The following TMEM259 variants were observed in gnomAD, a reference collection of about 807,000 sequenced individuals.
The protein encoded by TMEM259 is membralin.
TMEM259 carries 26 observed loss-of-function variants against 46.7 expected under a neutral mutation model. The ratio of observed to expected loss-of-function variants is 0.56; its 90% confidence interval spans 0.41 to 0.77. TMEM259 has a LOEUF of 0.77. Among genes scored for constraint, TMEM259 ranks in the 30% least tolerant of loss-of-function variants. TMEM259 has a pLI of 0.00. For missense variants in TMEM259, 930 were observed against 900.5 expected (o/e 1.03, Z -0.42); for synonymous variants, 494 against 395.1 (o/e 1.25, Z -2.97).
intron 2 of TMEM259, chr19:1,013,658 G>C: frequency 3.2e-6 from 1 of 312,350 alleles, no homozygotes; most frequent in Non-Finnish European, 6.1e-6. Flanking sequence ...GGTTGGCTCT[G>C]TGGGAACAGG....
In TMEM259 at chr19:1,010,498, G is replaced by A. The variant is rs760806208; in HGVS notation, c.1715C>T (p.Pro572Leu). The A allele has an allele frequency of 2.6e-6, 4 of 1,546,896 alleles. No homozygotes were observed. Among genetic ancestry groups the A allele is most frequent in the Admixed American group, 2.0e-5 (1 of 50,786 alleles). Residue 572 changes from proline (P) to leucine (L), a missense_variant, in exon 11 of 11, where the codon CCT (proline) becomes CTT (leucine). Pro to Leu is a moderately conservative substitution (Grantham distance 98, BLOSUM62 -3). Coordinates refer to ENST00000356663, the MANE Select transcript of TMEM259 (RefSeq NM_001033026.2). Reference sequence around the variant, plus strand: ...GGGGGCGTGGGGGAGGCCCCCAGCAGGGCCCAGCGGGCTGGCTGGACGCCG... The same window carrying A: ...GGGGGCGTGGGGGAGGCCCCCAGCAAGGCCCAGCGGGCTGGCTGGACGCCG... ...LERRPASPLGPAGGLPHAPQD... is the reference protein window; with the variant it reads ...LERRPASPLGLAGGLPHAPQD...
rs1058618 is a variant in TMEM259 at position 1,009,713 on chromosome 19, G to A, written c.*637C>T. 17 of 936,174 alleles carry A rather than the reference G, an allele frequency of 1.8e-5. No individual in the cohort carries two copies. Among genetic ancestry groups the A allele is most frequent in the Non-Finnish European group, 2.0e-5 (14 of 688,622 alleles). The allele number at this position is 936,174 out of a possible 1,614,324, so 58.0% of individuals were successfully genotyped here. A position where few individuals can be genotyped will look rare whatever the true frequency, so the allele number is the denominator to read the frequency against. On this transcript the variant is annotated 3_prime_UTR_variant, in exon 11 of 11. Coordinates refer to ENST00000356663, the MANE Select transcript of TMEM259 (RefSeq NM_001033026.2). The stretch of plus-strand genomic sequence containing the variant: ...CAATTTTGTACACTGCAATTAAATA[G>A]AATGGAATGAGCGCTCCTCCGCATT...
In TMEM259 at chr19:1,021,044, T is replaced by C. The variant is rs2144594801; in HGVS notation, c.-48A>G. The C allele has an allele frequency of 7.6e-7, 1 of 1,309,262 alleles. No homozygotes were observed. Among genetic ancestry groups the C allele is most frequent in the South Asian group, 1.8e-5 (1 of 54,762 alleles). The allele number at this position is 1,309,262 out of a possible 1,614,324, so 81.1% of individuals were successfully genotyped here. On this transcript the variant is annotated 5_prime_UTR_variant, in exon 1 of 11. Transcript: ENST00000356663. Reference sequence around the variant, plus strand: ...CGACCCGCAAGTGTCCGAGGGCGCCTCCCGGCCGCCATCGGCCGCCCTCGC... The same window carrying C: ...CGACCCGCAAGTGTCCGAGGGCGCCCCCCGGCCGCCATCGGCCGCCCTCGC...
Position 1,010,655 on chromosome 19 carries a change from G to T in TMEM259, c.1558C>A (p.Pro520Thr). 6.5e-7 allele frequency: 1 copy of T among 1,538,276 alleles called. No individual in the cohort carries two copies. Among genetic ancestry groups the T allele is most frequent in the Non-Finnish European group, 8.7e-7 (1 of 1,146,916 alleles). Residue 520 changes from proline (P) to threonine (T), a missense_variant, in exon 11 of 11, where the codon CCC becomes ACC. Physicochemically the swap from Pro to Thr is conservative, Grantham distance 38. Transcript: ENST00000356663. ...SGSPGPVAAA[P>T]SSLVAAAASV... ...GCTGCCGCGGCCACCAGGGAGCTGG[G>T]CGCCGCTGCCACAGGCCCGGGACTC... is the stretch of plus-strand genomic sequence containing the variant.
In TMEM259 at chr19:1,010,862, G is replaced by A. The variant is rs1168693574; in HGVS notation, c.1351C>T (p.Leu451=). The A allele has an allele frequency of 1.3e-6, 2 of 1,594,686 alleles. No individual in the cohort carries two copies. Among genetic ancestry groups the A allele is most frequent in the East Asian group, 2.2e-5 (1 of 44,746 alleles). ...SMIYFFHHYE[L]PAILQQVRIQ... ...CGGACCTGCTGCAGGATGGCAGGCA[G>A]CTCGTAGTGGTGGAAGAAGTAGATC... Residue 451 remains leucine (L), a synonymous_variant, in exon 11 of 11, where the codon CTG becomes TTG. Coordinates refer to ENST00000356663, the MANE Select transcript of TMEM259 (RefSeq NM_001033026.2).
At chr19:1,014,102 A>G in intron 2 of TMEM259, 90 bp downstream of exon 2, 1 of 1,477,724 alleles carries the variant, frequency 6.8e-7, no homozygotes, top group Non-Finnish European at 9.2e-7. Context: ...AAGAACCCCA[A>G]CATCCTGTCG....
intron 1 of TMEM259, among the ~76,000 whole-genome samples, chr19:1,018,948 A>C (rs910502265): frequency 1.3e-5 from 2 of 149,950 alleles, no homozygotes; most frequent in African/African-American, 2.5e-5. Flanking sequence ...AGATCAAACC[A>C]CTGCACTCCA....
At chr19:1,015,070 C>T (rs1364346999) in intron 1 of TMEM259, among the ~76,000 whole-genome samples, 2 of 152,272 alleles carry the variant, frequency 1.3e-5, no homozygotes, top group East Asian at 3.8e-4. Context: ...CAGCACTCCC[C>T]TGATCTCACC....
At chr19:1,013,388 T>G in intron 2 of TMEM259, 48 bp from the exon 3 acceptor site, 1 of 1,582,892 alleles carries the variant, frequency 6.3e-7, no homozygotes, top group Non-Finnish European at 8.7e-7. Context: ...GCCCGGGCTG[T>G]GAGGGCCCAG....
chr19:1,010,974 G>A (rs8100391), intron 10 of TMEM259, 79 bp from the exon 11 acceptor site: 372,961 of 1,546,466 alleles, frequency 0.24, 46,480 homozygotes, highest in East Asian at 0.34. Context: ...CAGCCCACCC[G>A]GGACCATCCA....
At chr19:1,012,612 A>ACGTCCCCCACC in intron 3 of TMEM259, 39 bp from the exon 4 acceptor site, 1 of 1,541,936 alleles carries the variant, frequency 6.5e-7, no homozygotes, top group Non-Finnish European at 8.8e-7. Flanking sequence ...GCGCCCCCAC[A>ACGTCCCCCACC]CACGTCCCCC....
chr19:1,012,387 C>A (rs775087860), intron 4 of TMEM259, 76 bp downstream of exon 4: 2 of 1,522,074 alleles, frequency 1.3e-6, no homozygotes, highest in Non-Finnish European at 1.8e-6. Context: ...CCCCGTCCCG[C>A]ACCAGCAGGA....
chr19:1,019,025 C>T (rs2039200354), intron 1 of TMEM259, among the ~76,000 whole-genome samples: 2 of 151,544 alleles, frequency 1.3e-5, no homozygotes, highest in South Asian at 4.2e-4. Context: ...CCAGAGATCT[C>T]ACAGTCCAAA....
chr19:1,013,804 G>A (rs1238024246), intron 2 of TMEM259, among the ~76,000 whole-genome samples: 1 of 152,220 alleles, frequency 6.6e-6, no homozygotes, highest in Non-Finnish European at 1.5e-5. Context: ...CAGGCAGTGG[G>A]GCCACCTCAG....
Position 1,014,202 on chromosome 19 carries a change from C to T in TMEM259, c.497G>A (p.Ser166Asn), listed in dbSNP as rs747421599. Reference sequence around the variant, plus strand: ...CCAGGCCTGGCTCACCTTGATGGAGCTGTTCCCAAACATCTCCATGGTCAG... The same window carrying T: ...CCAGGCCTGGCTCACCTTGATGGAGTTGTTCCCAAACATCTCCATGGTCAG... ...EELTMEMFGN[S>N]SIKFELDIEP... Residue 166 changes from serine (S) to asparagine (N), a missense_variant, in exon 2 of 11, where the codon AGC becomes AAC. Ser to Asn is a conservative substitution (Grantham distance 46, BLOSUM62 1). Coordinates refer to ENST00000356663, the MANE Select transcript of TMEM259 (RefSeq NM_001033026.2). The T allele has an allele frequency of 2.1e-5, 34 of 1,605,518 alleles. No homozygotes were observed. The highest frequency in any genetic ancestry group is 2.9e-5 in the Non-Finnish European group (34 of 1,173,294).
intron 3 of TMEM259, 51 bp downstream of exon 3, chr19:1,013,190 C>T (rs1334861805): frequency 6.5e-7 from 1 of 1,540,824 alleles, no homozygotes; most frequent in Non-Finnish European, 9.0e-7. Context: ...CCCCAGCACC[C>T]CATGACTGAG....
At chr19:1,013,407 T>C (rs1196894402) in intron 2 of TMEM259, 67 bp from the exon 3 acceptor site, 1 of 1,505,422 alleles carries the variant, frequency 6.6e-7, no homozygotes, top group African/African-American at 1.4e-5. Flanking sequence ...AGCCTGAGGA[T>C]ACAGTCCTGC....
intron 1 of TMEM259, among the ~76,000 whole-genome samples, chr19:1,016,992 GACCGAGCTC>G (rs1028117670): frequency 6.6e-6 from 1 of 152,202 alleles, no homozygotes; most frequent in Non-Finnish European, 1.5e-5. Flanking sequence ...GCTCCGTGCT[GACCGAGCTC>G]AGGGCCCCTC....
chr19:1,011,182 A>T lies in TMEM259; in HGVS notation c.1231T>A (p.Tyr411Asn). 1.3e-6 allele frequency: 2 copies of T among 1,599,056 alleles called. No homozygotes were observed. The highest frequency in any genetic ancestry group is 1.7e-6 in the Non-Finnish European group (2 of 1,172,626). Residue 411 changes from tyrosine (Y) to asparagine (N), a missense_variant, in exon 10 of 11, where the codon TAC becomes AAC. Tyr to Asn is a moderately radical substitution (Grantham distance 143). Transcript: ENST00000356663. ...KRHWLRFFYL[Y>N]HFAFYAYHYR... ...TGATAGGCATAGAAGGCGAAGTGGT[A>T]GAGATAGAAGAACCTGCGGGGCGGG...
Sources: allele counts gnomAD v4.1 joint callset (sites outside exome capture counted in the v4.1 genomes callset), GRCh38; gene constraint gnomAD v4.1.1; transcripts MANE v1.5; gene names NCBI Gene and HGNC (gene_info 2026-07-23, HGNC 2026-07-21).